The following ZNF638 variants were observed in gnomAD, a reference collection of about 807,000 sequenced individuals.
ZNF638 encodes the protein CTCL tumor antigen se33-1.
ZNF638 carries 46 observed loss-of-function variants against 195.6 expected under a neutral mutation model. The ratio of observed to expected loss-of-function variants is 0.24; its 90% CI spans 0.19 to 0.30. The LOEUF is 0.30. ZNF638 is among the 10% of genes least tolerant of loss of function. The pLI, the probability that ZNF638 is intolerant of heterozygous loss-of-function variation, is 1.00. For synonymous variants in ZNF638, 845 were observed against 772.0 expected (o/e 1.09, Z -1.57); for missense variants, 2,440 against 2,325.3 (o/e 1.05, Z -1.01).
chr2:71,346,152 G>A (rs985958764), intron 1 of ZNF638, among the ~76,000 whole-genome samples: 4 of 152,108 alleles, frequency 2.6e-5, no homozygotes, highest in Non-Finnish European at 5.9e-5. Context: ...TTATTTTGGG[G>A]GAGAAACATT....
At chr2:71,410,824 G>A (rs964214880) in intron 20 of ZNF638, among the ~76,000 whole-genome samples, 5 of 152,020 alleles carry the variant, frequency 3.3e-5, no homozygotes, top group Admixed American at 2.0e-4. Flanking sequence ...TTAGGCAGAA[G>A]AACCAGATCA....
intron 1 of ZNF638, among the ~76,000 whole-genome samples, chr2:71,334,266 TA>T (rs2078624844): frequency 6.6e-6 from 1 of 152,226 alleles, no homozygotes; most frequent in Non-Finnish European, 1.5e-5. Context: ...AGGTTTGGAC[TA>T]AATTTGTCCA....
At chr2:71,400,075 G>A (rs1398818094) in intron 13 of ZNF638, 37 bp from the exon 14 acceptor site, 3 of 1,511,516 alleles carry the variant, frequency 2.0e-6, no homozygotes, top group Non-Finnish European at 2.7e-6. Context: ...TTATATTAGT[G>A]TTTTACTAGA....
chr2:71,394,338 C>T (rs968084296), intron 10 of ZNF638, among the ~76,000 whole-genome samples: 1 of 152,114 alleles, frequency 6.6e-6, no homozygotes, highest in African/African-American at 2.4e-5. Flanking sequence ...TAGCACCACC[C>T]TTAACACCTG....
At chr2:71,369,054 G>C (rs1448557229) in intron 7 of ZNF638, among the ~76,000 whole-genome samples, 1 of 152,164 alleles carries the variant, frequency 6.6e-6, no homozygotes, top group Non-Finnish European at 1.5e-5. Context: ...GTTAGTTAAG[G>C]CTGGGCGTGT....
At chr2:71,338,797 G>C (rs1291559753) in intron 1 of ZNF638, among the ~76,000 whole-genome samples, 3 of 152,204 alleles carry the variant, frequency 2.0e-5, no homozygotes, top group African/African-American at 4.8e-5. Context: ...AATATGATTG[G>C]ATTAGTTTGC....
At chr2:71,385,619 C>CT (rs2079621626) in intron 10 of ZNF638, among the ~76,000 whole-genome samples, 3 of 152,104 alleles carry the variant, frequency 2.0e-5, no homozygotes, top group Admixed American at 2.0e-4. Flanking sequence ...AATTTCAGAG[C>CT]TAAGTACACA....
intron 4 of ZNF638, 79 bp from the exon 5 acceptor site, chr2:71,363,875 A>G: frequency 1.3e-6 from 2 of 1,481,708 alleles, no homozygotes; most frequent in African/African-American, 2.8e-5. Flanking sequence ...TGTTTTTAAC[A>G]AGGTACTTCT....
At chr2:71,382,273 A>G (rs1247973651) in intron 10 of ZNF638, among the ~76,000 whole-genome samples, 1 of 152,172 alleles carries the variant, frequency 6.6e-6, no homozygotes, top group Non-Finnish European at 1.5e-5. Flanking sequence ...TAGTCAGCCA[A>G]TCATATGGCA....
chr2:71,419,491 C>T (rs2080377363), intron 21 of ZNF638, among the ~76,000 whole-genome samples: 1 of 152,124 alleles, frequency 6.6e-6, no homozygotes, highest in African/African-American at 2.4e-5. Context: ...TTTTTCTTCT[C>T]AGTAATTTTT....
intron 17 of ZNF638, 99 bp from the exon 18 acceptor site, chr2:71,405,502 C>A: frequency 5.7e-6 from 4 of 698,732 alleles, no homozygotes; most frequent in Non-Finnish European, 9.7e-6. Flanking sequence ...CTTTGTAATG[C>A]ATATTTGTAT....
intron 25 of ZNF638, among the ~76,000 whole-genome samples, chr2:71,429,958 G>A (rs946051400): frequency 1.3e-5 from 2 of 152,188 alleles, no homozygotes; most frequent in South Asian, 2.1e-4. Context: ...TTAGGTTCTC[G>A]CATGATTTCA....
intron 1 of ZNF638, among the ~76,000 whole-genome samples, chr2:71,337,443 T>C (rs2078689373): frequency 6.6e-6 from 1 of 152,202 alleles, no homozygotes; most frequent in African/African-American, 2.4e-5. Context: ...AGGAAGTGTC[T>C]GGCTCTGTCA....
At chr2:71,403,766 T>G (rs551744716) in intron 16 of ZNF638, 104 bp from the exon 17 acceptor site, 1 of 774,060 alleles carries the variant, frequency 1.3e-6, no homozygotes, top group East Asian at 2.8e-5. Flanking sequence ...ACTAAGTTGT[T>G]CAATCCACTT....
chr2:71,375,852 C>T (rs1034724671), intron 8 of ZNF638: 1 of 152,126 alleles, frequency 6.6e-6, no homozygotes, highest in African/African-American at 2.4e-5. Context: ...ATATACTCAG[C>T]CTTTTGTGAT....
chr2:71,338,331 C>T (rs1041393627), intron 1 of ZNF638, among the ~76,000 whole-genome samples: 3 of 152,304 alleles, frequency 2.0e-5, no homozygotes, highest in African/African-American at 7.2e-5. Flanking sequence ...ATAAGAGCTT[C>T]CCTTCTTCCG....
At chr2:71,366,225 C>T (rs2079197236) in intron 6 of ZNF638, among the ~76,000 whole-genome samples, 1 of 151,916 alleles carries the variant, frequency 6.6e-6, no homozygotes, top group South Asian at 2.1e-4. Context: ...CGGCGGGTGC[C>T]AGTAGTCCCA....
At chr2:71,428,802 TTTTGATCTTTGTAATGTAGAGAGAA>T in intron 25 of ZNF638, 151 bp downstream of exon 25, 1 of 574,914 alleles carries the variant, frequency 1.7e-6, no homozygotes. Context: ...GTGGGTAACA[TTTTGATCTTTGTAATGTAGAGAGAA>T]TGGATTATTG....
intron 21 of ZNF638, 80 bp from the exon 22 acceptor site, chr2:71,422,734 A>G (rs934890357): frequency 2.2e-5 from 31 of 1,425,960 alleles, no homozygotes; most frequent in Non-Finnish European, 2.8e-5. Flanking sequence ...ATTCTTTATA[A>G]TGGTTGAATT....
Sources: allele counts gnomAD v4.1 joint callset (sites outside exome capture counted in the v4.1 genomes callset), GRCh38; gene constraint gnomAD v4.1.1; transcripts MANE v1.5; gene names NCBI Gene and HGNC (gene_info 2026-07-23, HGNC 2026-07-21).